The following ZNF37A variants were observed in gnomAD, a reference collection of about 807,000 sequenced individuals.
ZNF37A encodes zinc finger protein 37A, also known as zinc finger protein 37a (KOX 21).
In ZNF37A, 10 loss-of-function variants were observed where a neutral mutation model predicts 12.3. The ratio of observed to expected loss-of-function variants is 0.82; its 90% CI spans 0.50 to 1.38. The LOEUF is 1.38. ZNF37A is among the 40% of genes most tolerant of loss of function. The pLI is 0.00. For synonymous variants in ZNF37A, 207 were observed against 223.0 expected, an observed-to-expected ratio of 0.93 and a Z score of 0.64; for missense variants, 580 against 651.2, an observed-to-expected ratio of 0.89 and a Z score of 1.19.
intron 7 of ZNF37A, chr10:38,143,835 C>T (rs2070219334): frequency 6.6e-6 from 1 of 152,214 alleles, no homozygotes. Flanking sequence ...CCCCTTGCAG[C>T]AAGAAGTCCA....
Position 38,121,080 on chromosome 10 carries a change from C to T in ZNF37A, c.*2243C>T, listed in dbSNP as rs1346260077. On this transcript the variant is annotated 3_prime_UTR_variant, in exon 8 of 8. Coordinates refer to ENST00000685332, the MANE Select transcript of ZNF37A (RefSeq NM_001324250.3). ...GAAAGAAAACTCTAGGAACAGATGG[C>T]TTCACTGAAGTTATTCCAAATATTT... is the stretch of plus-strand genomic sequence containing the variant. 2.0e-5 allele frequency: 3 copies of T among 151,996 alleles called. No homozygotes were observed. The highest frequency in any genetic ancestry group is 7.2e-5 in the African/African-American group (3 of 41,418). 9.4% of individuals were successfully genotyped at this position (151,996 alleles called of 1,614,324 possible). A position where few individuals can be genotyped will look rare whatever the true frequency, so the allele number is the denominator to read the frequency against.
Position 38,119,161 on chromosome 10 carries a change from A to AT in ZNF37A, c.*329dup, listed in dbSNP as rs2069537095. ...GCATCCCTAGGTTGAGAAGGGATGC[A>AT]TTTTTCTGCTACTACTACAGTTTCA... is the stretch of plus-strand genomic sequence containing the variant. On this transcript the variant is annotated 3_prime_UTR_variant, in exon 8 of 8. Transcript: ENST00000685332. 6 of 1,037,504 alleles carry AT rather than the reference A, an allele frequency of 5.8e-6. No homozygotes were observed. Among genetic ancestry groups the AT allele is most frequent in the African/African-American group, 1.7e-5 (1 of 58,562 alleles). 64.3% of individuals were successfully genotyped at this position (1,037,504 alleles called of 1,614,324 possible). A position where few individuals can be genotyped will look rare whatever the true frequency, so the allele number is the denominator to read the frequency against.
chr10:38,132,527 G>T (rs565635216), intron 7 of ZNF37A, among the ~76,000 whole-genome samples: 1 of 152,020 alleles, frequency 6.6e-6, no homozygotes, highest in African/African-American at 2.4e-5. Flanking sequence ...TAAAATTTTT[G>T]CATCTATAAT....
rs1408989383 is a variant in ZNF37A at position 38,118,422 on chromosome 10, C to A, written c.1271C>A (p.Ser424Ter). Reference protein sequence around the residue: ...NECGKSFSEKSTLTKHLRTHT... With the variant: ...NECGKSFSEK ...TGTGGGAAGTCATTCTCTGAGAAGTCAACCCTTACTAAACATCTAAGAACT... is the reference window on the plus strand; with the variant it reads ...TGTGGGAAGTCATTCTCTGAGAAGTAAACCCTTACTAAACATCTAAGAACT... Residue 424 changes from serine (S) to a stop codon, truncating the protein, a stop_gained, in exon 8 of 8, where the codon TCA (serine) becomes TAA (stop). Coordinates refer to ENST00000685332, the MANE Select transcript of ZNF37A (RefSeq NM_001324250.3). LOFTEE classifies it low-confidence loss of function (END_TRUNC). 1 of 1,613,974 alleles carries A rather than the reference C, an allele frequency of 6.2e-7. No homozygotes were observed. Among genetic ancestry groups the A allele is most frequent in the Admixed American group, 1.7e-5 (1 of 59,936 alleles).
Position 38,100,244 on chromosome 10 carries a change from G to C in ZNF37A, c.15+3612G>C, listed in dbSNP as rs184510611. Reference sequence around the variant, plus strand: ...CGTGAGATCACAGGACCGCAGGACCGGTGCGAAATTAACATTGCTAATGAA... The same window carrying C: ...CGTGAGATCACAGGACCGCAGGACCCGTGCGAAATTAACATTGCTAATGAA... On this transcript the variant is annotated intron_variant, in intron 5 of 7. Transcript: ENST00000685332. 9.0e-4 allele frequency among the ~76,000 whole-genome samples: 137 copies of C among 152,236 alleles called. No homozygotes were observed. The Middle Eastern group carries it at 0.01, about 11-fold the overall frequency.
intron 7 of ZNF37A, chr10:38,138,377 G>A (rs2070138699): frequency 6.6e-6 from 1 of 152,180 alleles, no homozygotes; most frequent in Non-Finnish European, 1.5e-5. Context: ...TTTTATTGCA[G>A]TGTTTGGTGG....
chr10:38,107,248 C>G (rs1224919239), intron 5 of ZNF37A, among the ~76,000 whole-genome samples: 1 of 152,122 alleles, frequency 6.6e-6, no homozygotes, highest in Non-Finnish European at 1.5e-5. Context: ...CATATCCAGC[C>G]AAACTAAGCT....
At chr10:38,107,580 C>T (rs895001667) in intron 5 of ZNF37A, among the ~76,000 whole-genome samples, 6 of 152,140 alleles carry the variant, frequency 3.9e-5, no homozygotes, top group African/African-American at 1.4e-4. Flanking sequence ...AAAAAGTCAA[C>T]ATCCATCAGT....
chr10:38,114,996 C>T (rs2136008166), intron 6 of ZNF37A, 115 bp downstream of exon 6: 1 of 1,403,952 alleles, frequency 7.1e-7, no homozygotes, highest in Middle Eastern at 2.6e-4. Flanking sequence ...ATTCAGAGGT[C>T]AAGGACAATT....
At chr10:38,146,185 AC>A (rs1051491010) in intron 7 of ZNF37A, among the ~76,000 whole-genome samples, 1 of 152,186 alleles carries the variant, frequency 6.6e-6, no homozygotes, top group African/African-American at 2.4e-5. Context: ...AATTTGAACA[AC>A]CCAAGCAGGG....
chr10:38,144,328 A>T (rs1173841919), intron 7 of ZNF37A: 5 of 152,210 alleles, frequency 3.3e-5, no homozygotes. Flanking sequence ...GTTTAAAATT[A>T]TATAATGTAA....
chr10:38,132,019 T>C (rs572815420), intron 7 of ZNF37A, among the ~76,000 whole-genome samples: 14 of 152,314 alleles, frequency 9.2e-5, no homozygotes, highest in Middle Eastern at 3.4e-3. Flanking sequence ...TGGTTTTCTT[T>C]GGATTCTTTG....
At chr10:38,116,136 T>G (rs1050601529) in intron 7 of ZNF37A, among the ~76,000 whole-genome samples, 12 of 152,146 alleles carry the variant, frequency 7.9e-5, no homozygotes, top group African/African-American at 2.7e-4. Flanking sequence ...GCGTGAAGCC[T>G]GAAAAAATTT....
chr10:38,132,812 CT>C (rs71007699), intron 7 of ZNF37A, among the ~76,000 whole-genome samples: 71,412 of 147,600 alleles, frequency 0.48, 17,072 homozygotes, highest in Admixed American at 0.53. Context: ...TTGTTCAAGT[CT>C]TTTTTTTTTT....
Position 38,122,460 on chromosome 10 carries a change from A to G in ZNF37A, c.*3623A>G, listed in dbSNP as rs1369553590. On this transcript the variant is annotated 3_prime_UTR_variant, in exon 8 of 8. Coordinates refer to ENST00000685332, the MANE Select transcript of ZNF37A (RefSeq NM_001324250.3). ...ATTATTCAACAGAGCTACAGTAACC[A>G]AAACAGCATGATACTGGCATAACAA... The G allele has an allele frequency of 6.6e-6, 1 of 152,210 alleles. No individual in the cohort carries two copies. The highest frequency in any genetic ancestry group is 1.5e-5 in the Non-Finnish European group (1 of 68,040). The allele number at this position is 152,210 out of a possible 1,614,324, so 9.4% of individuals were successfully genotyped here.
At chr10:38,144,477 A>AT (rs1325138074) in intron 7 of ZNF37A, 2 of 152,210 alleles carry the variant, frequency 1.3e-5, no homozygotes, top group African/African-American at 4.8e-5. Flanking sequence ...TAAAATATAT[A>AT]TTTTGGAATA....
chr10:38,111,535 C>CA (rs1171840216), intron 5 of ZNF37A, among the ~76,000 whole-genome samples: 2 of 151,770 alleles, frequency 1.3e-5, no homozygotes, highest in Admixed American at 6.6e-5. Flanking sequence ...GTCAAATACT[C>CA]AATCTTATTC....
chr10:38,111,923 T>TTG (rs2135973307), intron 5 of ZNF37A, among the ~76,000 whole-genome samples: 1 of 151,850 alleles, frequency 6.6e-6, no homozygotes, highest in African/African-American at 2.4e-5. Flanking sequence ...TCTTTTTTTT[T>TTG]TTTTTGAGAC....
chr10:38,137,855 A>T (rs763195562), intron 7 of ZNF37A: 4 of 152,206 alleles, frequency 2.6e-5, no homozygotes, highest in Non-Finnish European at 5.9e-5. Context: ...GTGCAGATAG[A>T]GATGGATTTT....
Sources: gnomAD v4.1 joint callset for allele counts (sites outside exome capture counted in the v4.1 genomes callset) on GRCh38, gnomAD v4.1.1 for gene constraint, MANE v1.5 for transcripts, NCBI Gene and HGNC (gene_info 2026-07-23, HGNC 2026-07-21) for gene names.